The following C3AR1 variants were observed in gnomAD, a reference collection of about 807,000 sequenced individuals.
C3AR1 encodes complement C3a receptor 1.
For missense variants in C3AR1, 579 were observed against 583.5 expected (o/e 0.99, Z 0.08); for synonymous variants, 208 against 225.3 (o/e 0.92, Z 0.69).
intron 1 of C3AR1, among the ~76,000 whole-genome samples, chr12:8,065,694 T>G (rs2120410532): frequency 6.7e-6 from 1 of 149,830 alleles, no homozygotes; most frequent in African/African-American, 2.5e-5. Context: ...AGAGCAAGAT[T>G]ACTTTTTACA....
In C3AR1 at chr12:8,057,992, G is replaced by T. The variant is rs1947210314; in HGVS notation, c.*745C>A. ...AACCGGTAGGCAGTTAGAAGAAACA[G>T]AACTCCCCAAACCACAGCTTTCATA... On this transcript the variant is annotated 3_prime_UTR_variant, in exon 2 of 2. Coordinates refer to ENST00000307637, the MANE Select transcript of C3AR1 (RefSeq NM_004054.4). Among the ~76,000 whole-genome samples the T allele has an allele frequency of 6.6e-6, 1 of 152,142 alleles. No homozygotes were observed. The highest frequency in any genetic ancestry group is 1.5e-5 in the Non-Finnish European group (1 of 68,034).
chr12:8,058,941 G>T lies in C3AR1; in HGVS notation c.1245C>A (p.Ser415=). ...CTAGAGCAATGCATACATGATCCCA[G>T]GACATCAGAGTTTTCCCCAAGGGAG... The part of the protein sequence containing the change: ...PETPLGKTLM[S]WDHVCIALAS... The change falls in exon 2 of 2, where the codon TCC becomes TCA. Residue 415 remains serine (S), a synonymous_variant. Transcript: ENST00000307637. 6.2e-7 allele frequency: 1 copy of T among 1,614,122 alleles called. No individual in the cohort carries two copies. The highest frequency in any genetic ancestry group is 8.5e-7 in the Non-Finnish European group (1 of 1,179,998).
At chr12:8,066,227 T>A (rs1050164108) in intron 1 of C3AR1, 51 bp downstream of exon 1, 1 of 152,210 alleles carries the variant, frequency 6.6e-6, no homozygotes, top group African/African-American at 2.4e-5. Flanking sequence ...TTACCTATAA[T>A]GAGCAAAACA....
chr12:8,059,131 A>G lies in C3AR1; in HGVS notation c.1055T>C (p.Met352Thr), dbSNP rs767676196. ...GACAATGAAGCTGTAACAGGCTATC[A>G]TGATAACAGAGGGCAGCAGGAAACC... ...VVGFLLPSVI[M>T]IACYSFIVFR... is the part of the protein sequence containing the mutation. Residue 352 changes from methionine (M) to threonine (T), a missense_variant, in exon 2 of 2, where the codon ATG (methionine) becomes ACG (threonine). Transcript: ENST00000307637. The G allele has an allele frequency of 8.1e-6, 13 of 1,614,114 alleles. No individual in the cohort carries two copies. In the African/African-American group the frequency reaches 1.5e-4, roughly 18 times the overall value.
At chr12:8,061,618 G>A (rs1407032675) in intron 1 of C3AR1, among the ~76,000 whole-genome samples, 3 of 151,930 alleles carry the variant, frequency 2.0e-5, no homozygotes, top group Admixed American at 6.6e-5. Flanking sequence ...GCCCACCAAC[G>A]TACCAACTAA....
At position 8,059,679 on chromosome 12, in the gene C3AR1, A is replaced by G. The variant is rs1234956696; in HGVS notation, c.507T>C (p.His169=). The G allele has an allele frequency of 6.2e-7, 1 of 1,614,186 alleles. No homozygotes were observed. Among genetic ancestry groups the G allele is most frequent in the Admixed American group, 1.7e-5 (1 of 60,010 alleles). The change falls in exon 2 of 2, where the codon CAT becomes CAC. Residue 169 remains histidine (H), a synonymous_variant. Coordinates refer to ENST00000307637, the MANE Select transcript of C3AR1 (RefSeq NM_004054.4). Reference sequence around the variant, plus strand: ...GACCAAATTTGTAGCCACATCTATTATGGTTGTCTGTAGTGAAGATTTCCC... The same window carrying G: ...GACCAAATTTGTAGCCACATCTATTGTGGTTGTCTGTAGTGAAGATTTCCC... ...VYREIFTTDN[H]NRCGYKFGLS...
chr12:8,064,768 C>T (rs1297139295), intron 1 of C3AR1, among the ~76,000 whole-genome samples: 12 of 151,706 alleles, frequency 7.9e-5, no homozygotes, highest in South Asian at 4.2e-4. Context: ...AATACTATCA[C>T]GGTACCCCCC....
Position 8,060,123 on chromosome 12 carries a change from G to A in C3AR1, c.63C>T (p.Pro21=). The A allele has an allele frequency of 6.2e-7, 1 of 1,613,850 alleles. No individual in the cohort carries two copies. Among genetic ancestry groups the A allele is most frequent in the Non-Finnish European group, 8.5e-7 (1 of 1,179,770 alleles). The change falls in exon 2 of 2, where the codon CCC becomes CCT. Residue 21 remains proline, a synonymous_variant. Transcript: ENST00000307637. The stretch of plus-strand genomic sequence containing the variant: ...GAATGACCATGGAGAGAATTACTGG[G>A]GGCTCATTCCATGGCTGTGAGAGTA... ...TDLLSQPWNE[P]PVILSMVILS... is the part of the protein sequence containing the mutation.
chr12:8,061,534 C>T lies in C3AR1; in HGVS notation c.-10-1339G>A, dbSNP rs1409651615. ...CTGGAGTGCAGTGATACAATCTCGGCTCACTGCAGCCTCTGCCTCCCGGGT... is the reference window on the plus strand; with the variant it reads ...CTGGAGTGCAGTGATACAATCTCGGTTCACTGCAGCCTCTGCCTCCCGGGT... On this transcript the variant is annotated intron_variant, in intron 1 of 1. Transcript: ENST00000307637. Among the ~76,000 whole-genome samples, 9 of 152,208 alleles carry T rather than the reference C, an allele frequency of 5.9e-5. No individual in the cohort carries two copies. The East Asian group carries it at 1.5e-3, about 26-fold the overall frequency.
chr12:8,061,970 C>A (rs1285630651), intron 1 of C3AR1, among the ~76,000 whole-genome samples: 1 of 152,182 alleles, frequency 6.6e-6, no homozygotes, highest in African/African-American at 2.4e-5. Flanking sequence ...ATTGTACTTT[C>A]AATTTCTATG....
intron 1 of C3AR1, among the ~76,000 whole-genome samples, chr12:8,065,075 G>A (rs768268800): frequency 4.7e-5 from 7 of 149,706 alleles, no homozygotes; most frequent in African/African-American, 1.7e-4. Flanking sequence ...TAGATTACAA[G>A]CATATAATCA....
rs1485290429 is a variant in C3AR1, at chr12:8,059,610, T to C, written c.576A>G (p.Leu192=). ...LDYPDFYGDP[L]ENRSLENIVQ... ...CAATGTTTTCAAGAGACCTGTTTTCTAGTGGATCTCCATAAAAGTCTGGAT... is the reference window on the plus strand; with the variant it reads ...CAATGTTTTCAAGAGACCTGTTTTCCAGTGGATCTCCATAAAAGTCTGGAT... The change falls in exon 2 of 2, where the codon CTA becomes CTG. Residue 192 remains leucine, a synonymous_variant. Coordinates refer to ENST00000307637, the MANE Select transcript of C3AR1 (RefSeq NM_004054.4). 6.2e-7 allele frequency: 1 copy of C among 1,614,156 alleles called. No homozygotes were observed. The highest frequency in any genetic ancestry group is 8.5e-7 in the Non-Finnish European group (1 of 1,180,008).
rs771691702 is a variant in C3AR1, at chr12:8,059,019, G to A, written c.1167C>T (p.Cys389=). 7.4e-6 allele frequency: 12 copies of A among 1,614,200 alleles called. No individual in the cohort carries two copies. Among genetic ancestry groups the A allele is most frequent in the South Asian group, 1.1e-5 (1 of 91,088 alleles). The change falls in exon 2 of 2, where the codon TGC becomes TGT. Residue 389 remains cysteine, a synonymous_variant. Coordinates refer to ENST00000307637, the MANE Select transcript of C3AR1 (RefSeq NM_004054.4). ...CTCCAAAAATGTGGTATGGAGTCCA[G>A]CAGACAAGAAAGACAGCCACCACCA... is the stretch of plus-strand genomic sequence containing the variant. The part of the protein sequence containing the change: ...AVVVVAVFLV[C]WTPYHIFGVL...
Position 8,065,388 on chromosome 12 carries a change from C to T in C3AR1, c.-11+890G>A, listed in dbSNP as rs1227119028. ...GAACAAGGCTGGGTGTGGTGGCTCA[C>T]GCCTGTAATCCCAGCACTTTGGGAG... On this transcript the variant is annotated intron_variant, in intron 1 of 1. Transcript: ENST00000307637. Among the ~76,000 whole-genome samples the T allele has an allele frequency of 4.6e-5, 7 of 152,184 alleles. No homozygotes were observed. In the South Asian group the frequency reaches 8.3e-4, roughly 18 times the overall value.
chr12:8,061,945 C>T (rs1279368338), intron 1 of C3AR1, among the ~76,000 whole-genome samples: 1 of 152,178 alleles, frequency 6.6e-6, no homozygotes, highest in African/African-American at 2.4e-5. Context: ...CTTTTCTCAG[C>T]CCCTGGCAAT....
chr12:8,062,740 G>A lies in C3AR1; in HGVS notation c.-10-2545C>T, dbSNP rs148278380. On this transcript the variant is annotated intron_variant, in intron 1 of 1. Transcript: ENST00000307637. ...GCTCACTGCAACCTCCTCCTCCCGGGTTCAAGTGATTCTCCTGCCTCAGCC... is the reference window on the plus strand; with the variant it reads ...GCTCACTGCAACCTCCTCCTCCCGGATTCAAGTGATTCTCCTGCCTCAGCC... Among the ~76,000 whole-genome samples, 174 of 152,212 alleles carry A rather than the reference G, an allele frequency of 1.1e-3. 1 individual carries two copies. Among genetic ancestry groups the A allele is most frequent in the African/African-American group, 3.8e-3 (157 of 41,540 alleles).
In C3AR1 at chr12:8,060,006, C is replaced by A. The variant is rs752673671; in HGVS notation, c.180G>T (p.Trp60Cys). ...LKMQRTVNTI[W>C]FLHLTLADLL... The stretch of plus-strand genomic sequence containing the variant: ...GGTCCGCCAAGGTGAGGTGGAGGAA[C>A]CAAATTGTGTTCACTGTCCGCTGCA... The change falls in exon 2 of 2, where the codon TGG (tryptophan) becomes TGT (cysteine). Residue 60 changes from tryptophan to cysteine, a missense_variant. By Grantham distance (215) the Trp-to-Cys change is radical. Coordinates refer to ENST00000307637, the MANE Select transcript of C3AR1 (RefSeq NM_004054.4). The A allele has an allele frequency of 1.2e-6, 2 of 1,614,056 alleles. No homozygotes were observed. Among genetic ancestry groups the A allele is most frequent in the Admixed American group, 3.3e-5 (2 of 59,998 alleles).
chr12:8,066,061 A>AAAATTCACTATT (rs200437789), intron 1 of C3AR1, among the ~76,000 whole-genome samples: 1,904 of 152,346 alleles, frequency 0.012, 23 homozygotes, highest in Middle Eastern at 0.031. Context: ...AAATGATGTA[A>AAAATTCACTATT]AAATTCACTA....
intron 1 of C3AR1, among the ~76,000 whole-genome samples, chr12:8,061,523 T>TA (rs1426723367): frequency 2.0e-5 from 3 of 152,042 alleles, no homozygotes; most frequent in Admixed American, 6.6e-5. Flanking sequence ...AGTGCAGTGA[T>TA]ACAATCTCGG....
Sources: allele counts gnomAD v4.1 joint callset (sites outside exome capture counted in the v4.1 genomes callset), GRCh38; gene constraint gnomAD v4.1.1; transcripts MANE v1.5; gene names NCBI Gene and HGNC (gene_info 2026-07-23, HGNC 2026-07-21).